The following MYO5B variants were observed in gnomAD, a reference collection of about 807,000 sequenced individuals.
MYO5B encodes myosin VB.
In MYO5B, 143 loss-of-function variants were observed where a neutral mutation model predicts 229.3. The observed-to-expected ratio is 0.62, with a 90% confidence interval of 0.54 to 0.72. MYO5B has a LOEUF of 0.72. MYO5B is among the 30% of genes least tolerant of loss of function. The pLI, the probability that MYO5B is intolerant of heterozygous loss-of-function variation, is 0.00. For synonymous variants in MYO5B, 918 were observed against 885.2 expected (o/e 1.04, Z -0.66); for missense variants, 2,321 against 2,331.0 (o/e 1.00, Z 0.09).
intron 25 of MYO5B, among the ~76,000 whole-genome samples, chr18:49,877,128 C>T (rs967951812): frequency 8.6e-5 from 13 of 151,248 alleles, no homozygotes; most frequent in East Asian, 2.0e-4. Context: ...TGTGTACGTG[C>T]GCGCACACAC....
chr18:50,000,266 C>A (rs2144325271), intron 5 of MYO5B, among the ~76,000 whole-genome samples: 1 of 152,300 alleles, frequency 6.6e-6, no homozygotes, highest in East Asian at 1.9e-4. Context: ...GGGCTCAGGG[C>A]TCCGCATGGA....
intron 22 of MYO5B, among the ~76,000 whole-genome samples, chr18:49,881,854 T>G (rs1313758338): frequency 1.3e-5 from 2 of 152,036 alleles, no homozygotes; most frequent in Non-Finnish European, 2.9e-5. Context: ...TTTTTGCTAT[T>G]TATTATTAGA....
rs2024026087 is a variant in MYO5B, at chr18:49,839,184, C to G, written c.4812G>C (p.Gln1604His). Residue 1604 changes from glutamine (Q) to histidine (H), a missense_variant, in exon 36 of 40, where the codon CAG becomes CAC. This residue lies in a region of MYO5B where 2,113 missense variants were observed against 2,044.7 expected (regional missense o/e 1.03). Coordinates refer to ENST00000285039, the MANE Select transcript of MYO5B (RefSeq NM_001080467.3). ...LSDLSIQIYQ[Q>H]LIKIAEGVLQ... is the part of the protein sequence containing the mutation. ...ACACGCCCTCGGCAATTTTAATGAG[C>G]TGCTGGTAGATCTGAATGGAAAGGT... 1 of 1,614,184 alleles carries G rather than the reference C, an allele frequency of 6.2e-7. No homozygotes were observed. Among genetic ancestry groups the G allele is most frequent in the Non-Finnish European group, 8.5e-7 (1 of 1,180,044 alleles).
intron 2 of MYO5B, among the ~76,000 whole-genome samples, chr18:50,051,394 G>T (rs1339504847): frequency 6.6e-6 from 1 of 152,172 alleles, no homozygotes; most frequent in Non-Finnish European, 1.5e-5. Flanking sequence ...GTGGGTGATA[G>T]ATAGTAGATA....
chr18:49,933,266 A>C (rs1631002), intron 16 of MYO5B, among the ~76,000 whole-genome samples: 80,597 of 151,950 alleles, frequency 0.53, 21,751 homozygotes, highest in Middle Eastern at 0.71. Flanking sequence ...GGTTATGACA[A>C]CCGCCCCAGG....
chr18:50,186,811 T>C (rs1229899334), intron 1 of MYO5B, among the ~76,000 whole-genome samples: 2 of 152,214 alleles, frequency 1.3e-5, no homozygotes, highest in Non-Finnish European at 2.9e-5. Context: ...AGAAAGTATC[T>C]GTTCCAATGT....
intron 39 of MYO5B, among the ~76,000 whole-genome samples, chr18:49,829,928 G>A (rs1341692703): frequency 6.6e-6 from 1 of 152,072 alleles, no homozygotes. Flanking sequence ...CCATGATGAA[G>A]ACCATATGTA....
intron 1 of MYO5B, among the ~76,000 whole-genome samples, chr18:50,059,284 T>C (rs2030628489): frequency 6.6e-6 from 1 of 152,210 alleles, no homozygotes; most frequent in African/African-American, 2.4e-5. Flanking sequence ...TAACAAAGTA[T>C]GAACATGGAG....
intron 1 of MYO5B, among the ~76,000 whole-genome samples, chr18:50,148,697 GCTAT>G (rs1358050103): frequency 1.3e-5 from 2 of 151,392 alleles, no homozygotes; most frequent in Non-Finnish European, 3.0e-5. Flanking sequence ...AATAATAAGA[GCTAT>G]CTATGACAAA....
intron 1 of MYO5B, among the ~76,000 whole-genome samples, chr18:50,117,659 T>C (rs1217409961): frequency 6.6e-6 from 1 of 151,958 alleles, no homozygotes; most frequent in Non-Finnish European, 1.5e-5. Context: ...GCCATTATTC[T>C]CTATCCATAG....
At chr18:49,923,418 C>T (rs1266615080) in intron 17 of MYO5B, among the ~76,000 whole-genome samples, 1 of 152,160 alleles carries the variant, frequency 6.6e-6, no homozygotes, top group Admixed American at 6.5e-5. Flanking sequence ...ACCACAAAGG[C>T]CAGAAACTGT....
At chr18:49,835,515 G>T in intron 38 of MYO5B, 91 bp from the exon 39 acceptor site, 1 of 836,436 alleles carries the variant, frequency 1.2e-6, no homozygotes, top group Non-Finnish European at 2.1e-6. Flanking sequence ...TGGTACAAGA[G>T]TATGATCCTC....
chr18:49,978,423 C>A (rs551158773), intron 9 of MYO5B, among the ~76,000 whole-genome samples: 2 of 152,160 alleles, frequency 1.3e-5, no homozygotes, highest in South Asian at 2.1e-4. Flanking sequence ...TCTCGCCCCC[C>A]AATGCAGGTA....
At chr18:50,125,670 CTG>C (rs1261922203) in intron 1 of MYO5B, among the ~76,000 whole-genome samples, 1 of 152,156 alleles carries the variant, frequency 6.6e-6, no homozygotes, top group African/African-American at 2.4e-5. Context: ...AGGAATGTAA[CTG>C]AGAGAATCAA....
chr18:49,855,799 G>C (rs1332543694), intron 30 of MYO5B, among the ~76,000 whole-genome samples: 1 of 152,214 alleles, frequency 6.6e-6, no homozygotes, highest in African/African-American at 2.4e-5. Flanking sequence ...TCCAAGAAGA[G>C]ATGCTCTTGG....
chr18:50,067,579 T>G (rs1249810861), intron 1 of MYO5B, among the ~76,000 whole-genome samples: 1 of 152,166 alleles, frequency 6.6e-6, no homozygotes, highest in African/African-American at 2.4e-5. Flanking sequence ...ATGAATAGAT[T>G]AATGCCCTCC....
At chr18:49,984,355 T>C (rs1761698827) in intron 8 of MYO5B, among the ~76,000 whole-genome samples, 1 of 152,220 alleles carries the variant, frequency 6.6e-6, no homozygotes, top group Non-Finnish European at 1.5e-5. Flanking sequence ...GTGCGCAACA[T>C]TGTGTTCTTC....
At chr18:49,879,153 T>A (rs1873595676) in intron 23 of MYO5B, 63 bp from the exon 24 acceptor site, 1 of 1,606,714 alleles carries the variant, frequency 6.2e-7, no homozygotes, top group South Asian at 1.1e-5. Context: ...TATTGACTCA[T>A]GTTTTCCGAT....
chr18:49,870,973 C>T (rs1473526914), intron 27 of MYO5B, among the ~76,000 whole-genome samples: 1 of 152,130 alleles, frequency 6.6e-6, no homozygotes, highest in African/African-American at 2.4e-5. Context: ...AAAGCAGGGT[C>T]TCAAAGAGAT....
Sources: gnomAD v4.1 joint callset for allele counts (sites outside exome capture counted in the v4.1 genomes callset) on GRCh38, gnomAD v4.1.1 for gene constraint, gnomAD v4.1.1 regional missense constraint, MANE v1.5 for transcripts, NCBI Gene and HGNC (gene_info 2026-07-23, HGNC 2026-07-21) for gene names.